HADH: variants seen among roughly 807,000 people sequenced by gnomAD.
The protein encoded by HADH is hydroxyacyl-CoA dehydrogenase.
Under a neutral mutation model 32.2 loss-of-function variants are expected in HADH, and 24 were observed. The observed-to-expected ratio is 0.75, with a 90% confidence interval of 0.54 to 1.05. The LOEUF (loss-of-function observed/expected upper bound fraction) is 1.05, where lower values mean the gene tolerates loss of function less well. Among genes scored for constraint, HADH ranks in the 50% least tolerant of loss-of-function variants. The pLI is 0.00. For synonymous variants in HADH, 139 were observed against 152.5 expected (o/e 0.91, Z 0.65); for missense variants, 350 against 397.1 (o/e 0.88, Z 1.01).
At chr4:107,990,942 T>C (rs1734773056) in intron 1 of HADH, among the ~76,000 whole-genome samples, 2 of 152,030 alleles carry the variant, frequency 1.3e-5, no homozygotes, top group African/African-American at 2.4e-5. Flanking sequence ...GGGTTTCACC[T>C]TGTGGGTCAG....
At chr4:107,990,134 C>A in intron 1 of HADH, 70 bp downstream of exon 1, 1 of 1,512,754 alleles carries the variant, frequency 6.6e-7, no homozygotes, top group Non-Finnish European at 8.9e-7. Flanking sequence ...TCTGGCGCGA[C>A]CGGCCGCGAG....
At chr4:108,004,870 G>A in intron 1 of HADH, 3 of 1,535,998 alleles carry the variant, frequency 2.0e-6, no homozygotes, top group Non-Finnish European at 2.6e-6. Context: ...GGTTGGGAGA[G>A]CTGAGCTTGG....
chr4:107,994,017 A>G (rs1324712745), intron 1 of HADH, among the ~76,000 whole-genome samples: 1 of 152,128 alleles, frequency 6.6e-6, no homozygotes, highest in Non-Finnish European at 1.5e-5. Flanking sequence ...GGGTTTTTTC[A>G]TATGAGGAGC....
At chr4:108,020,820 G>A (rs1278559078) in intron 4 of HADH, among the ~76,000 whole-genome samples, 2 of 152,272 alleles carry the variant, frequency 1.3e-5, no homozygotes, top group East Asian at 3.9e-4. Context: ...CACTGGCTGT[G>A]GCCTCTCTGG....
chr4:108,011,739 A>T (rs1348631471), intron 2 of HADH, among the ~76,000 whole-genome samples: 1 of 152,152 alleles, frequency 6.6e-6, no homozygotes, highest in Non-Finnish European at 1.5e-5. Flanking sequence ...TTCTGTAGTG[A>T]CTGCACTATT....
At chr4:108,033,795 A>G (rs1031928551) in intron 7 of HADH, among the ~76,000 whole-genome samples, 9 of 152,268 alleles carry the variant, frequency 5.9e-5, no homozygotes, top group African/African-American at 2.2e-4. Context: ...TCTGTTCCCA[A>G]GTTTCACAGA....
chr4:108,024,047 G>GTT (rs1335976027), intron 5 of HADH: 1 of 157,248 alleles, frequency 6.4e-6, no homozygotes, highest in African/African-American at 2.4e-5. Context: ...GTTGCATTAT[G>GTT]TTTTTATTGT....
At chr4:108,018,010 G>A (rs552878449) in intron 3 of HADH, among the ~76,000 whole-genome samples, 1 of 152,158 alleles carries the variant, frequency 6.6e-6, no homozygotes, top group Non-Finnish European at 1.5e-5. Context: ...GATAAAATGT[G>A]CCAGAGTGCC....
rs758210207 is a variant in HADH, at chr4:108,007,323, G to C, written c.133-2436G>C. Among the ~76,000 whole-genome samples the C allele has an allele frequency of 2.6e-5, 4 of 152,126 alleles. No homozygotes were observed. The East Asian group carries it at 7.7e-4, about 29-fold the overall frequency. ...GGGGTTTCACCGTGTTAGCCAGGAT[G>C]GTCTTGATCTCCTGATCTTGTGATC... On this transcript the variant is annotated intron_variant, in intron 1 of 7. Transcript: ENST00000309522.
chr4:108,009,176 A>T (rs1054097123), intron 1 of HADH, among the ~76,000 whole-genome samples: 5 of 152,126 alleles, frequency 3.3e-5, no homozygotes. Flanking sequence ...TTAAATTCTT[A>T]CCTATTACTG....
intron 6 of HADH, chr4:108,030,620 C>T (rs1736230618): frequency 6.6e-6 from 1 of 152,244 alleles, no homozygotes; most frequent in African/African-American, 2.4e-5. Flanking sequence ...ACTGAGGAAG[C>T]TTTCCTTTGC....
intron 5 of HADH, chr4:108,027,194 C>T (rs184234072): frequency 5.3e-5 from 11 of 205,992 alleles, no homozygotes; most frequent in Admixed American, 3.7e-4. Flanking sequence ...TGGAGTGTGA[C>T]GTTTTGTCGA....
At chr4:108,012,835 A>G (rs1191500558) in intron 2 of HADH, among the ~76,000 whole-genome samples, 3 of 152,220 alleles carry the variant, frequency 2.0e-5, no homozygotes, top group South Asian at 2.1e-4. Flanking sequence ...CTTCTAAGAA[A>G]AGTTACTATT....
intron 5 of HADH, 141 bp downstream of exon 5, chr4:108,023,704 A>G: frequency 1.4e-6 from 1 of 699,218 alleles, no homozygotes; most frequent in African/African-American, 1.8e-5. Flanking sequence ...TGTAAAGAGC[A>G]ATCCGTGCCT....
intron 1 of HADH, among the ~76,000 whole-genome samples, chr4:108,005,789 G>A (rs913828166): frequency 2.0e-5 from 3 of 152,148 alleles, no homozygotes; most frequent in Non-Finnish European, 4.4e-5. Flanking sequence ...TATTAGGGCT[G>A]GCAAACCTCA....
At chr4:108,028,070 G>A (rs778256575) in intron 6 of HADH, 141 of 441,812 alleles carry the variant, frequency 3.2e-4, no homozygotes, top group East Asian at 5.1e-4. Flanking sequence ...TGATTAAAAG[G>A]TTTACTGCTT....
rs528387547 is a variant in HADH at position 108,004,483 on chromosome 4, G to A, written c.133-5276G>A. ...AGGCTTCCTTGCTGTCCAAGTTGTG[G>A]TATACTCCAGTGCAGCTGCCTGGCT... On this transcript the variant is annotated intron_variant, in intron 1 of 7. Transcript: ENST00000309522. 3.8e-4 allele frequency: 153 copies of A among 405,950 alleles called. 3 individuals are homozygous for A. Among genetic ancestry groups the A allele is most frequent in the South Asian group, 3.1e-3 (145 of 47,372 alleles). The allele number at this position is 405,950 out of a possible 1,614,324, so 25.1% of individuals were successfully genotyped here.
Position 108,006,893 on chromosome 4 carries a change from T to A in HADH, c.133-2866T>A, listed in dbSNP as rs181103786. Among the ~76,000 whole-genome samples the A allele has an allele frequency of 4.0e-4, 61 of 152,304 alleles. 1 individual carries two copies. The highest frequency in any genetic ancestry group is 1.3e-3 in the African/African-American group (56 of 41,558). On this transcript the variant is annotated intron_variant, in intron 1 of 7. Coordinates refer to ENST00000309522, the MANE Select transcript of HADH (RefSeq NM_005327.7). ...GAGGGTGGTATGTGTTAGTTTCACT[T>A]ACTAGCCCTGGGGCCTTAGGCACAT...
intron 1 of HADH, among the ~76,000 whole-genome samples, chr4:107,993,132 A>T (rs1168198519): frequency 6.6e-6 from 1 of 152,228 alleles, no homozygotes; most frequent in Non-Finnish European, 1.5e-5. Flanking sequence ...ATAAATAAAA[A>T]GAATAATCAT....
Sources: gnomAD v4.1 joint callset for allele counts (sites outside exome capture counted in the v4.1 genomes callset) on GRCh38, gnomAD v4.1.1 for gene constraint, MANE v1.5 for transcripts, NCBI Gene and HGNC (gene_info 2026-07-23, HGNC 2026-07-21) for gene names.